ARHGAP24: variants seen among roughly 807,000 people sequenced by gnomAD.
ARHGAP24 encodes the protein rho GTPase-activating protein 24.
A neutral mutation model predicts 76.4 loss-of-function variants in ARHGAP24; 50 were observed. The ratio of observed to expected loss-of-function variants is 0.65; its 90% confidence interval spans 0.52 to 0.83. The LOEUF is 0.83. Among genes scored for constraint, ARHGAP24 ranks in the 40% least tolerant of loss-of-function variants. ARHGAP24 has a pLI of 0.00. For missense variants in ARHGAP24, 930 were observed against 914.2 expected (o/e 1.02, Z -0.22); for synonymous variants, 345 against 323.3 (o/e 1.07, Z -0.72).
intron 1 of ARHGAP24, among the ~76,000 whole-genome samples, chr4:85,517,466 T>C (rs1358689345): frequency 6.6e-6 from 1 of 152,176 alleles, no homozygotes. Context: ...ATTTAAAATT[T>C]TTTTAACATT....
At chr4:85,830,115 C>T (rs1023657074) in intron 3 of ARHGAP24, among the ~76,000 whole-genome samples, 9 of 152,224 alleles carry the variant, frequency 5.9e-5, no homozygotes, top group African/African-American at 1.9e-4. Context: ...AATGCTTAAA[C>T]TCCCTAACAC....
intron 1 of ARHGAP24, among the ~76,000 whole-genome samples, chr4:85,549,970 A>G (rs917936592): frequency 6.6e-6 from 1 of 152,222 alleles, no homozygotes; most frequent in African/African-American, 2.4e-5. Flanking sequence ...TCCATGGTAC[A>G]TATGTACCAC....
intron 1 of ARHGAP24, among the ~76,000 whole-genome samples, chr4:85,481,932 T>G (rs887152278): frequency 6.6e-6 from 1 of 152,224 alleles, no homozygotes; most frequent in Non-Finnish European, 1.5e-5. Context: ...CCAGTCTTTC[T>G]CAGAGAAGGG....
At chr4:85,508,472 C>T (rs1262157967) in intron 1 of ARHGAP24, among the ~76,000 whole-genome samples, 2 of 152,256 alleles carry the variant, frequency 1.3e-5, no homozygotes, top group African/African-American at 2.4e-5. Flanking sequence ...TGTTTCTCTG[C>T]CTGATGCCTA....
intron 2 of ARHGAP24, among the ~76,000 whole-genome samples, chr4:85,653,366 G>A (rs2109983341): frequency 6.6e-6 from 1 of 152,280 alleles, no homozygotes; most frequent in African/African-American, 2.4e-5. Context: ...ATGTAGTAGA[G>A]AAAAAGCGAA....
intron 3 of ARHGAP24, among the ~76,000 whole-genome samples, chr4:85,771,111 CT>C (rs1294449301): frequency 6.6e-6 from 1 of 152,158 alleles, no homozygotes; most frequent in African/African-American, 2.4e-5. Context: ...CACACTATAT[CT>C]GTGTATTAGT....
At chr4:85,831,334 A>C (rs1729984542) in intron 3 of ARHGAP24, among the ~76,000 whole-genome samples, 1 of 152,204 alleles carries the variant, frequency 6.6e-6, no homozygotes, top group African/African-American at 2.4e-5. Context: ...ACCATCAATA[A>C]AAATTATTGC....
chr4:85,570,242 C>T (rs1727025791), intron 1 of ARHGAP24, among the ~76,000 whole-genome samples: 2 of 152,052 alleles, frequency 1.3e-5, no homozygotes, highest in African/African-American at 4.8e-5. Flanking sequence ...AGTTGAGGAA[C>T]ATTTTTCACC....
chr4:85,629,170 C>T (rs1721073492), intron 2 of ARHGAP24, among the ~76,000 whole-genome samples: 1 of 152,260 alleles, frequency 6.6e-6, no homozygotes, highest in East Asian at 1.9e-4. Flanking sequence ...TACAAAGAAC[C>T]TCTTATAGTT....
At chr4:85,931,095 T>C (rs1578401337) in intron 4 of ARHGAP24, 1 of 1,528,526 alleles carries the variant, frequency 6.5e-7, no homozygotes, top group East Asian at 2.5e-5. Context: ...AATATTATCT[T>C]AGGCTTTAAG....
chr4:85,748,426 G>A (rs189848629), intron 3 of ARHGAP24, among the ~76,000 whole-genome samples: 153 of 152,320 alleles, frequency 1.0e-3, no homozygotes, highest in African/African-American at 3.5e-3. Flanking sequence ...AAGATTGAAA[G>A]CAGTGATACT....
chr4:85,984,383 G>A (rs181804532), intron 8 of ARHGAP24, among the ~76,000 whole-genome samples: 12 of 152,290 alleles, frequency 7.9e-5, no homozygotes, highest in Admixed American at 2.0e-4. Flanking sequence ...TTTCTGGTGA[G>A]GACCCATTTC....
intron 2 of ARHGAP24, 119 bp downstream of exon 2, chr4:85,570,840 G>T: frequency 8.5e-7 from 1 of 1,173,518 alleles, no homozygotes; most frequent in Non-Finnish European, 1.2e-6. Flanking sequence ...TCAGTTCATT[G>T]TCATCTTTCA....
At chr4:85,902,177 A>G (rs900272616) in intron 3 of ARHGAP24, among the ~76,000 whole-genome samples, 8 of 148,130 alleles carry the variant, frequency 5.4e-5, no homozygotes, top group African/African-American at 2.0e-4. Flanking sequence ...ATGGCTGCGT[A>G]TCTGTCACAC....
intron 3 of ARHGAP24, among the ~76,000 whole-genome samples, chr4:85,826,073 T>C (rs893030470): frequency 6.6e-6 from 1 of 152,180 alleles, no homozygotes; most frequent in Non-Finnish European, 1.5e-5. Context: ...CTCCCAGCCC[T>C]GTGTGTCTCA....
At chr4:85,882,117 A>G (rs1032632208) in intron 3 of ARHGAP24, among the ~76,000 whole-genome samples, 8 of 151,992 alleles carry the variant, frequency 5.3e-5, no homozygotes, top group Admixed American at 4.6e-4. Context: ...AAGAATTCTT[A>G]CTAGATTGTC....
At chr4:85,865,757 G>C (rs2110183255) in intron 3 of ARHGAP24, among the ~76,000 whole-genome samples, 1 of 151,780 alleles carries the variant, frequency 6.6e-6, no homozygotes, top group Admixed American at 6.6e-5. Flanking sequence ...TATTCATAAA[G>C]ACTTACAGTT....
chr4:85,619,825 T>C (rs1325894826), intron 2 of ARHGAP24, among the ~76,000 whole-genome samples: 4 of 152,004 alleles, frequency 2.6e-5, no homozygotes, highest in African/African-American at 9.6e-5. Flanking sequence ...ACGAAATTCA[T>C]TTATTAGTTG....
intron 2 of ARHGAP24, among the ~76,000 whole-genome samples, chr4:85,649,915 A>G (rs1721870832): frequency 6.6e-6 from 1 of 152,020 alleles, no homozygotes; most frequent in Admixed American, 6.6e-5. Context: ...TCCTCTTTTT[A>G]CAGGTGAGAA....
Sources: gnomAD v4.1 joint callset for allele counts (sites outside exome capture counted in the v4.1 genomes callset) on GRCh38, gnomAD v4.1.1 for gene constraint, MANE v1.5 for transcripts, NCBI Gene and HGNC (gene_info 2026-07-23, HGNC 2026-07-21) for gene names.